Variants in LIN9 observed in about 807,000 individuals in gnomAD.
The protein encoded by LIN9 is protein lin-9 homolog.
In LIN9, 18 loss-of-function variants were observed where a neutral mutation model predicts 78.0. The observed-to-expected ratio is 0.23, with a 90% CI of 0.16 to 0.34. LIN9 has a LOEUF of 0.34. LIN9 is among the 10% of genes least tolerant of loss of function. The pLI, the probability that LIN9 is intolerant of heterozygous loss-of-function variation, is 1.00. For synonymous variants in LIN9, 192 were observed against 215.2 expected (o/e 0.89, Z 0.94); for missense variants, 451 against 644.1 (o/e 0.70, Z 3.25).
At position 226,272,559 on chromosome 1, in the gene LIN9, T is replaced by TAA. The variant is rs1660360251; in HGVS notation, c.683-4471_683-4470dup. 2.3e-4 allele frequency among the ~76,000 whole-genome samples: 33 copies of TAA among 145,512 alleles called. No homozygotes were observed. In the South Asian group the frequency reaches 6.9e-3, roughly 30 times the overall value. On this transcript the variant is annotated intron_variant, in intron 7 of 14. Transcript: ENST00000681046. ...TTGACCTTTTTTTTTTTTTTTTTTT[T>TAA]AATGTTTGTAGAGACAGGGTCTCAC...
intron 7 of LIN9, among the ~76,000 whole-genome samples, chr1:226,274,545 AT>A (rs977004134): frequency 3.9e-5 from 6 of 152,040 alleles, no homozygotes; most frequent in Non-Finnish European, 7.4e-5. Context: ...TTCATCTAAT[AT>A]TTTTTATGTG....
intron 8 of LIN9, among the ~76,000 whole-genome samples, chr1:226,267,186 A>G (rs1659970785): frequency 6.7e-6 from 1 of 150,354 alleles, no homozygotes; most frequent in African/African-American, 2.4e-5. Flanking sequence ...TTTCTCTCCT[A>G]TTGCGGAGAG....
intron 6 of LIN9, among the ~76,000 whole-genome samples, chr1:226,279,641 G>A (rs1156811588): frequency 1.3e-5 from 2 of 149,444 alleles, no homozygotes; most frequent in Non-Finnish European, 3.0e-5. Flanking sequence ...TGGGTGTGGC[G>A]GAATGAGCCT....
chr1:226,300,585 G>C (rs1162251697), intron 2 of LIN9, among the ~76,000 whole-genome samples: 1 of 152,210 alleles, frequency 6.6e-6, no homozygotes, highest in Non-Finnish European at 1.5e-5. Flanking sequence ...GCTGGGCACA[G>C]TGGCTCACGC....
chr1:226,238,994 T>C lies in LIN9; in HGVS notation c.1222A>G (p.Lys408Glu). Reference protein sequence around the residue: ...LNKDLNKVLHKVQQYCYELAP... With the variant: ...LNKDLNKVLHEVQQYCYELAP... The stretch of plus-strand genomic sequence containing the variant: ...ACCTCATAGCAATACTGTTGAACTT[T>C]ATGCAAAACTTTGTTTAGGTCCTTG... Residue 408 changes from lysine (K) to glutamate (E), a missense_variant, in exon 12 of 15, where the codon AAA (lysine) becomes GAA (glutamate). Transcript: ENST00000681046. 1.2e-6 allele frequency: 2 copies of C among 1,613,800 alleles called. No homozygotes were observed. The highest frequency in any genetic ancestry group is 1.7e-4 in the Middle Eastern group (1 of 6,058).
In LIN9 at chr1:226,233,208, A is replaced by T; in HGVS notation, c.1426-15T>A. On this transcript the variant is annotated splice_polypyrimidine_tract_variant and intron_variant, in intron 13 of 14. Coordinates refer to ENST00000681046, the MANE Select transcript of LIN9 (RefSeq NM_001366245.2). The stretch of plus-strand genomic sequence containing the variant: ...TCTGCTAGACACTAAAGGGAAAAAA[A>T]TTTCAAAATTTAATTGCATTATAGC... 6.3e-7 allele frequency: 1 copy of T among 1,576,202 alleles called. No homozygotes were observed. The highest frequency in any genetic ancestry group is 8.6e-7 in the Non-Finnish European group (1 of 1,159,428).
At chr1:226,234,892 A>ATTTT (rs1558150198) in intron 12 of LIN9, among the ~76,000 whole-genome samples, 5 of 103,784 alleles carry the variant, frequency 4.8e-5, no homozygotes, top group Non-Finnish European at 1.1e-4. Flanking sequence ...CGTTATCCTA[A>ATTTT]ATTTTTTTTT....
rs1056307338 is a variant in LIN9, at chr1:226,294,036, G to A, written c.264+1806C>T. On this transcript the variant is annotated intron_variant, in intron 4 of 14. Coordinates refer to ENST00000681046, the MANE Select transcript of LIN9 (RefSeq NM_001366245.2). ...AATGCTAAGTCCTTGGGTCAGGTGT[G>A]GTGGCTCACACCTGTAATCCCAGCA... is the stretch of plus-strand genomic sequence containing the variant. 2.0e-5 allele frequency among the ~76,000 whole-genome samples: 3 copies of A among 152,032 alleles called. No individual in the cohort carries two copies. The South Asian group carries it at 6.2e-4, about 31-fold the overall frequency.
chr1:226,309,075 G>C (rs770589372), intron 1 of LIN9, 34 bp downstream of exon 1: 1 of 1,309,128 alleles, frequency 7.6e-7, no homozygotes, highest in Non-Finnish European at 9.8e-7. Context: ...GCAGCAGGCG[G>C]GAAAAGGGGG....
At chr1:226,279,599 C>T (rs1660906353) in intron 6 of LIN9, among the ~76,000 whole-genome samples, 2 of 101,548 alleles carry the variant, frequency 2.0e-5, no homozygotes, top group South Asian at 3.1e-4. Context: ...CTCATTTCTG[C>T]CAAAAATACA....
At chr1:226,277,954 A>G (rs764331753) in intron 6 of LIN9, 22 bp from the exon 7 acceptor site, 4 of 1,567,186 alleles carry the variant, frequency 2.6e-6, no homozygotes, top group Non-Finnish European at 3.5e-6. Flanking sequence ...TATAAAAAAC[A>G]TACAAACTGA....
At chr1:226,297,585 C>G (rs1210396622) in intron 3 of LIN9, 134 bp downstream of exon 3, 4 of 467,060 alleles carry the variant, frequency 8.6e-6, no homozygotes, top group African/African-American at 7.9e-5. Context: ...TAAGATCAAA[C>G]AGTGCTTAAT....
intron 6 of LIN9, 92 bp downstream of exon 6, chr1:226,286,241 C>G: frequency 7.3e-7 from 1 of 1,374,200 alleles, no homozygotes; most frequent in Non-Finnish European, 9.9e-7. Flanking sequence ...GCAAATACCC[C>G]ATCTTAGCCT....
At chr1:226,232,715 G>T in intron 14 of LIN9, 109 bp from the exon 15 acceptor site, 1 of 607,138 alleles carries the variant, frequency 1.6e-6, no homozygotes. Flanking sequence ...TAAATCTTAG[G>T]GAAGGAATAA....
In LIN9 at chr1:226,309,123, T is replaced by C. The variant is rs769365595; in HGVS notation, c.17A>G (p.Gln6Arg). 9.0e-6 allele frequency: 12 copies of C among 1,340,744 alleles called. No homozygotes were observed. The highest frequency in any genetic ancestry group is 2.9e-5 in the Admixed American group (1 of 34,236). The allele number at this position is 1,340,744 out of a possible 1,614,324, so 83.1% of individuals were successfully genotyped here. ...GTGCTACTCACTCTCGTCAGGCAAC[T>C]GGTCGAGCTCCGCCATCTTGAACGA... Reference protein sequence around the residue: MAELDQLPDESSSAKA... With the variant: MAELDRLPDESSSAKA... Residue 6 changes from glutamine (Q) to arginine (R), a missense_variant, in exon 1 of 15, where the codon CAG becomes CGG. Physicochemically the swap from Gln to Arg is conservative, Grantham distance 43. Coordinates refer to ENST00000681046, the MANE Select transcript of LIN9 (RefSeq NM_001366245.2).
intron 2 of LIN9, among the ~76,000 whole-genome samples, chr1:226,299,093 G>A (rs1662347441): frequency 6.6e-6 from 1 of 152,018 alleles, no homozygotes; most frequent in South Asian, 2.1e-4. Context: ...TTATATAGAG[G>A]CATAGAAAAC....
intron 6 of LIN9, among the ~76,000 whole-genome samples, chr1:226,285,806 A>G (rs1558194470): frequency 3.9e-5 from 6 of 152,302 alleles, no homozygotes; most frequent in Admixed American, 3.3e-4. Context: ...AGATAACAAA[A>G]ATGTACACAG....
chr1:226,280,956 T>C (rs1401490085), intron 6 of LIN9, among the ~76,000 whole-genome samples: 1 of 152,208 alleles, frequency 6.6e-6, no homozygotes, highest in African/African-American at 2.4e-5. Context: ...ATCAAAGAGA[T>C]ATCTGTACTC....
chr1:226,290,346 T>C (rs1661676409), intron 4 of LIN9, among the ~76,000 whole-genome samples: 1 of 150,840 alleles, frequency 6.6e-6, no homozygotes, highest in Admixed American at 6.6e-5. Flanking sequence ...TTTTTTTTTT[T>C]TTTCTTTTTT....
Sources: allele counts gnomAD v4.1 joint callset (sites outside exome capture counted in the v4.1 genomes callset), GRCh38; gene constraint gnomAD v4.1.1; transcripts MANE v1.5; gene names NCBI Gene and HGNC (gene_info 2026-07-23, HGNC 2026-07-21).